The following DPH6 variants were observed in gnomAD, a reference collection of about 807,000 sequenced individuals.
The protein encoded by DPH6 is diphthine--ammonia ligase.
In DPH6, 33 loss-of-function variants were observed where a neutral mutation model predicts 38.2. The ratio of observed to expected loss-of-function variants is 0.86; its 90% CI spans 0.65 to 1.15. DPH6 has a LOEUF of 1.15. Among genes scored for constraint, DPH6 ranks in the 50% most tolerant of loss-of-function variants. The pLI is 0.00. For synonymous variants in DPH6, 108 were observed against 103.0 expected (o/e 1.05, Z -0.30); for missense variants, 325 against 320.0 (o/e 1.02, Z -0.12).
At chr15:35,204,254 T>C in the DPH6 span, among the ~76,000 whole-genome samples, 1 of 151,680 alleles carries the variant, frequency 6.6e-6, no homozygotes, top group Non-Finnish European at 1.5e-5. Context: ...AAATTAAGGC[T>C]TGGAAAAAAA....
the DPH6 span, among the ~76,000 whole-genome samples, chr15:35,147,711 CTGAATTATCTGTGGGT>C: frequency 6.6e-6 from 1 of 152,178 alleles, no homozygotes; most frequent in Admixed American, 6.5e-5. Flanking sequence ...CTGAAATAAT[CTGAATTATCTGTGGGT>C]AGAGTGAGTA....
chr15:35,527,808 C>T (rs1487425649), intron 3 of DPH6, among the ~76,000 whole-genome samples: 2 of 152,146 alleles, frequency 1.3e-5, no homozygotes, highest in Non-Finnish European at 2.9e-5. Flanking sequence ...AAACTGAAGT[C>T]ATATTGCAGT....
At chr15:35,315,158 A>T (rs1235494634) in intron 3 of DPH6, among the ~76,000 whole-genome samples, 3 of 152,190 alleles carry the variant, frequency 2.0e-5, no homozygotes, top group Non-Finnish European at 4.4e-5. Context: ...CCAACACTTC[A>T]AAAGTTGAAT....
chr15:35,261,522 G>A (rs2051746464), intron 3 of DPH6, among the ~76,000 whole-genome samples: 1 of 144,420 alleles, frequency 6.9e-6, no homozygotes, highest in South Asian at 2.2e-4. Flanking sequence ...GAGTAGGAAT[G>A]TAAATCTATA....
chr15:35,461,852 A>G (rs912671910), intron 3 of DPH6, among the ~76,000 whole-genome samples: 15 of 152,334 alleles, frequency 9.8e-5, no homozygotes, highest in African/African-American at 3.4e-4. Flanking sequence ...TCTTCTATAT[A>G]GAAGGAAAGC....
At position 35,546,047 on chromosome 15, in the gene DPH6, C is replaced by T; in HGVS notation, c.23+72G>A. ...ACTCAGACGGAGACACCCACTCTTT[C>T]GGCGCTAGCGGCGGCTGGAAGGGAC... On this transcript the variant is annotated intron_variant, in intron 1 of 8. Transcript: ENST00000256538. 11 of 1,273,430 alleles carry T rather than the reference C, an allele frequency of 8.6e-6. No individual in the cohort carries two copies. In the South Asian group the frequency reaches 9.5e-5, roughly 11 times the overall value. 78.9% of individuals were successfully genotyped at this position (1,273,430 alleles called of 1,614,324 possible).
chr15:35,501,156 TCTC>T (rs898328433), intron 3 of DPH6, among the ~76,000 whole-genome samples: 2 of 152,226 alleles, frequency 1.3e-5, no homozygotes, highest in Non-Finnish European at 2.9e-5. Context: ...CATCGAAATT[TCTC>T]TTTTCACAAT....
chr15:35,533,985 C>T (rs12913482), intron 3 of DPH6, among the ~76,000 whole-genome samples: 2 of 151,900 alleles, frequency 1.3e-5, no homozygotes, highest in South Asian at 4.1e-4. Context: ...CAGCTTTCCT[C>T]TTGTATTATT....
At chr15:35,180,392 A>AACACACACACACAC in the DPH6 span, among the ~76,000 whole-genome samples, 2 of 140,496 alleles carry the variant, frequency 1.4e-5, no homozygotes, top group South Asian at 2.3e-4. Context: ...TTGGTTTTAA[A>AACACACACACACAC]ACACACACAC....
the DPH6 span, among the ~76,000 whole-genome samples, chr15:35,148,676 A>G: frequency 1.1e-4 from 16 of 152,180 alleles, no homozygotes; most frequent in Admixed American, 3.9e-4. Context: ...AGGCATATAT[A>G]TTCCTGCTGA....
intron 6 of DPH6, among the ~76,000 whole-genome samples, chr15:35,408,342 A>T (rs559251049): frequency 6.6e-6 from 1 of 152,122 alleles, no homozygotes; most frequent in South Asian, 2.1e-4. Flanking sequence ...GGTAGAGGCA[A>T]ATCTGGAGGT....
chr15:35,485,466 T>C (rs1447863081), intron 3 of DPH6, among the ~76,000 whole-genome samples: 1 of 152,236 alleles, frequency 6.6e-6, no homozygotes, highest in East Asian at 1.9e-4. Context: ...CACCCCTTGC[T>C]CAAAACATCA....
At chr15:35,169,235 GC>G in the DPH6 span, among the ~76,000 whole-genome samples, 4 of 152,108 alleles carry the variant, frequency 2.6e-5, no homozygotes, top group Admixed American at 2.0e-4. Context: ...TGTAGACCCT[GC>G]CCTTAAAAAC....
intron 2 of DPH6, among the ~76,000 whole-genome samples, chr15:35,539,433 G>A (rs1351408512): frequency 6.6e-6 from 1 of 151,980 alleles, no homozygotes; most frequent in Non-Finnish European, 1.5e-5. Flanking sequence ...GGTTAAAGAA[G>A]TCTATAAAAG....
chr15:35,356,762 C>T (rs902186035), intron 3 of DPH6, among the ~76,000 whole-genome samples: 46 of 152,336 alleles, frequency 3.0e-4, no homozygotes, highest in African/African-American at 1.1e-3. Context: ...TCTGTCCATT[C>T]TCAGATCTCA....
the DPH6 span, among the ~76,000 whole-genome samples, chr15:35,173,599 G>T: frequency 6.7e-6 from 1 of 150,366 alleles, no homozygotes; most frequent in Non-Finnish European, 1.5e-5. Context: ...AATGGATTCT[G>T]GTCTAATGTC....
At chr15:35,263,332 A>G (rs984723531) in intron 3 of DPH6, among the ~76,000 whole-genome samples, 2 of 152,036 alleles carry the variant, frequency 1.3e-5, no homozygotes, top group Non-Finnish European at 2.9e-5. Context: ...CTGAACTCAT[A>G]AGAAGGATAA....
Position 35,273,155 on chromosome 15 carries a change from T to A in DPH6, n.201-52573A>T, listed in dbSNP as rs529209998. Reference sequence around the variant, plus strand: ...TTTCTTTAAAATTAAAAAAAAAAAATTTAATTTCCATAGGTTACTGGGGAA... The same window carrying A: ...TTTCTTTAAAATTAAAAAAAAAAAAATTAATTTCCATAGGTTACTGGGGAA... On this transcript the variant is annotated intron_variant and non_coding_transcript_variant, in intron 3 of 3. Transcript: ENST00000560386. 3.0e-4 allele frequency among the ~76,000 whole-genome samples: 45 copies of A among 151,930 alleles called. 1 individual carries two copies. The South Asian group carries it at 5.0e-3, about 17-fold the overall frequency.
intron 3 of DPH6, among the ~76,000 whole-genome samples, chr15:35,311,836 C>T (rs1024244347): frequency 1.3e-5 from 2 of 151,824 alleles, no homozygotes; most frequent in African/African-American, 4.8e-5. Context: ...AAATTGAGAC[C>T]GGATGAGCAT....
Sources: gnomAD v4.1 joint callset for allele counts (sites outside exome capture counted in the v4.1 genomes callset) on GRCh38, gnomAD v4.1.1 for gene constraint, MANE v1.5 for transcripts, NCBI Gene and HGNC (gene_info 2026-07-23, HGNC 2026-07-21) for gene names.